The following CUX2 variants were observed in gnomAD, a reference collection of about 807,000 sequenced individuals.
CUX2 encodes the protein cut like homeobox 2.
In CUX2, 40 loss-of-function variants were observed where a neutral mutation model predicts 144.8. That is an observed-to-expected ratio of 0.28 (90% CI 0.21 to 0.36). CUX2 has a LOEUF of 0.36. Among genes scored for constraint, CUX2 ranks in the 10% least tolerant of loss-of-function variants. The pLI is 1.00. For synonymous variants in CUX2, 827 were observed against 875.6 expected (o/e 0.94, Z 0.98); for missense variants, 1,615 against 1,994.0 (o/e 0.81, Z 3.62).
At chr12:111,083,454 T>C (rs1872023047) in intron 1 of CUX2, among the ~76,000 whole-genome samples, 1 of 151,666 alleles carries the variant, frequency 6.6e-6, no homozygotes, top group South Asian at 2.1e-4. Flanking sequence ...GAGGAGTCCT[T>C]TGGGGTGAGT....
At chr12:111,040,340 AT>A (rs1026971714) in intron 1 of CUX2, among the ~76,000 whole-genome samples, 6 of 151,392 alleles carry the variant, frequency 4.0e-5, no homozygotes, top group Middle Eastern at 3.4e-3. Context: ...TAAAATTCAA[AT>A]TTTTTTTCCC....
chr12:111,146,743 T>C (rs1431525171), intron 1 of CUX2, among the ~76,000 whole-genome samples: 4 of 152,150 alleles, frequency 2.6e-5, no homozygotes, highest in Middle Eastern at 6.8e-3. Context: ...ACCCCGTAGG[T>C]TTAAATCTCA....
rs539766729 is a variant in CUX2, at chr12:111,332,945, C to T, written c.2927-1496C>T. Among the ~76,000 whole-genome samples, 11 of 152,268 alleles carry T rather than the reference C, an allele frequency of 7.2e-5. No homozygotes were observed. In the East Asian group the frequency reaches 9.6e-4, roughly 13 times the overall value. On this transcript the variant is annotated intron_variant, in intron 18 of 21. Coordinates refer to ENST00000261726, the MANE Select transcript of CUX2 (RefSeq NM_015267.4). ...AATCTTGGCCAGGTGCTGTGGCTCA[C>T]GCCTGCAATACCAGCACTTTGGGAG... is the stretch of plus-strand genomic sequence containing the variant.
intron 1 of CUX2, among the ~76,000 whole-genome samples, chr12:111,091,431 A>T: frequency 6.6e-6 from 1 of 152,110 alleles, no homozygotes; most frequent in Non-Finnish European, 1.5e-5. Context: ...TCCTCCCTGT[A>T]CAGACCCCTA....
chr12:111,079,971 G>A (rs1871781445), intron 1 of CUX2, among the ~76,000 whole-genome samples: 1 of 152,192 alleles, frequency 6.6e-6, no homozygotes, highest in East Asian at 1.9e-4. Flanking sequence ...AGAAGTCCTG[G>A]GTTCTAGTCC....
At chr12:111,191,227 G>C (rs970583335) in intron 1 of CUX2, among the ~76,000 whole-genome samples, 1 of 152,136 alleles carries the variant, frequency 6.6e-6, no homozygotes, top group Non-Finnish European at 1.5e-5. Flanking sequence ...GAAGTTTCAC[G>C]GGTAAAGTGC....
At chr12:111,321,343 G>A (rs1047509192) in intron 17 of CUX2, among the ~76,000 whole-genome samples, 1 of 141,408 alleles carries the variant, frequency 7.1e-6, no homozygotes, top group East Asian at 1.9e-4. Flanking sequence ...GTCCTGTGCC[G>A]GTATAGTCAT....
At chr12:111,187,871 G>C (rs552563185) in intron 1 of CUX2, among the ~76,000 whole-genome samples, 1 of 152,336 alleles carries the variant, frequency 6.6e-6, no homozygotes, top group Non-Finnish European at 1.5e-5. Flanking sequence ...GCTCAGATCT[G>C]TTGAAGAGCC....
intron 1 of CUX2, among the ~76,000 whole-genome samples, chr12:111,159,811 G>A (rs1302496979): frequency 6.6e-6 from 1 of 152,170 alleles, no homozygotes; most frequent in African/African-American, 2.4e-5. Flanking sequence ...GATCACCTGA[G>A]GTCAGGAGTT....
intron 4 of CUX2, among the ~76,000 whole-genome samples, chr12:111,274,972 C>A (rs902704447): frequency 1.4e-4 from 20 of 147,702 alleles, no homozygotes; most frequent in Non-Finnish European, 9.0e-5. Flanking sequence ...AACAAAAAAA[C>A]AAAAAAAAAC....
chr12:111,265,904 G>A (rs764854975), intron 4 of CUX2, among the ~76,000 whole-genome samples: 4 of 151,970 alleles, frequency 2.6e-5, no homozygotes, highest in East Asian at 3.9e-4. Flanking sequence ...TCAGCTGTCC[G>A]ACTGCAAAAC....
rs928891030 is a variant in CUX2, at chr12:111,315,108, G to C, written c.2002+2907G>C. On this transcript the variant is annotated intron_variant, in intron 16 of 21. Coordinates refer to ENST00000261726, the MANE Select transcript of CUX2 (RefSeq NM_015267.4). Reference sequence around the variant, plus strand: ...TATTCAGGGTCTAGGAGTTCAGCAAGAGGAAAAATACAAAGGTTATTGCCC... The same window carrying C: ...TATTCAGGGTCTAGGAGTTCAGCAACAGGAAAAATACAAAGGTTATTGCCC... Among the ~76,000 whole-genome samples the C allele has an allele frequency of 5.3e-5, 8 of 152,148 alleles. No individual in the cohort carries two copies. In the South Asian group the frequency reaches 6.2e-4, roughly 12 times the overall value.
intron 16 of CUX2, among the ~76,000 whole-genome samples, chr12:111,316,945 C>T (rs887075844): frequency 1.1e-4 from 16 of 152,148 alleles, no homozygotes; most frequent in African/African-American, 3.9e-4. Context: ...TGTGGATTGA[C>T]CTGTTCTGCA....
At chr12:111,145,736 G>A (rs887678049) in intron 1 of CUX2, among the ~76,000 whole-genome samples, 4 of 151,586 alleles carry the variant, frequency 2.6e-5, no homozygotes, top group East Asian at 1.9e-4. Flanking sequence ...GCGTGATCTC[G>A]GCTCTCTGCA....
At chr12:111,305,531 T>G (rs959536490) in intron 10 of CUX2, among the ~76,000 whole-genome samples, 15 of 152,090 alleles carry the variant, frequency 9.9e-5, no homozygotes, top group African/African-American at 3.6e-4. Context: ...TTTATAGGGT[T>G]ATTAAAAGGA....
At chr12:111,281,002 C>A (rs1038385171) in intron 4 of CUX2, among the ~76,000 whole-genome samples, 1 of 152,134 alleles carries the variant, frequency 6.6e-6, no homozygotes, top group Non-Finnish European at 1.5e-5. Flanking sequence ...CTTCTGCCAC[C>A]ACTGTGACCA....
At chr12:111,116,856 A>G (rs1874335586) in intron 1 of CUX2, among the ~76,000 whole-genome samples, 2 of 152,228 alleles carry the variant, frequency 1.3e-5, no homozygotes, top group African/African-American at 4.8e-5. Context: ...TCTATGGTGC[A>G]CTATCTCATT....
chr12:111,218,475 C>T (rs1881671929), intron 3 of CUX2, among the ~76,000 whole-genome samples: 1 of 152,108 alleles, frequency 6.6e-6, no homozygotes, highest in African/African-American at 2.4e-5. Context: ...ATGATCGCAC[C>T]ACTGCACACC....
chr12:111,100,740 C>T (rs1318363214), intron 1 of CUX2, among the ~76,000 whole-genome samples: 3 of 152,184 alleles, frequency 2.0e-5, no homozygotes, highest in Admixed American at 6.5e-5. Context: ...ACTGAGCACA[C>T]GTTGCACAGG....
Sources: allele counts gnomAD v4.1 joint callset (sites outside exome capture counted in the v4.1 genomes callset), GRCh38; gene constraint gnomAD v4.1.1; transcripts MANE v1.5; gene names NCBI Gene and HGNC (gene_info 2026-07-23, HGNC 2026-07-21).